OTOG: variants seen among roughly 807,000 people sequenced by gnomAD.
OTOG encodes the protein otogelin.
Under a neutral mutation model 313.8 loss-of-function variants are expected in OTOG, and 296 were observed. The ratio of observed to expected loss-of-function variants is 0.94; its 90% CI spans 0.86 to 1.04. The LOEUF is 1.04. OTOG is among the 50% of genes least tolerant of loss of function. OTOG has a pLI of 0.00. For missense variants in OTOG, 3,948 were observed against 3,840.1 expected, an observed-to-expected ratio of 1.03 and a Z score of -0.74; for synonymous variants, 1,533 against 1,554.9, an observed-to-expected ratio of 0.99 and a Z score of 0.33.
chr11:17,629,664 C>G (rs1386845624), intron 40 of OTOG, among the ~76,000 whole-genome samples: 1 of 152,166 alleles, frequency 6.6e-6, no homozygotes, highest in African/African-American at 2.4e-5. Context: ...GTCATCCACA[C>G]AACAGCACTG....
rs201528443 is a variant in OTOG, at chr11:17,613,170, T to TTTTC, written c.6439-418_6439-415dup. Among the ~76,000 whole-genome samples, 322 of 125,576 alleles carry TTTTC rather than the reference T, an allele frequency of 2.6e-3. 7 individuals carry two copies. Among genetic ancestry groups the TTTTC allele is most frequent in the East Asian group, 9.6e-3 (44 of 4,582 alleles). The allele number at this position is 125,576 out of a possible 152,430, so 82.4% of individuals were successfully genotyped here. On this transcript the variant is annotated intron_variant, in intron 38 of 55. Transcript: ENST00000399397. ...TAGCTTCTTTCTCTTCTCTTCTCCC[T>TTTTC]TTTCTTTCTTTCTTTCTTTCTTTCT...
chr11:17,548,243 G>A (rs865835812), intron 3 of OTOG, 31 bp downstream of exon 3: 3 of 1,520,056 alleles, frequency 2.0e-6, no homozygotes, highest in Middle Eastern at 1.7e-4. Context: ...GGGCTTCATT[G>A]AGCAGGAGCT....
chr11:17,566,864 G>A (rs1292993019), intron 15 of OTOG, among the ~76,000 whole-genome samples: 1 of 152,152 alleles, frequency 6.6e-6, no homozygotes, highest in African/African-American at 2.4e-5. Context: ...CATTTGTAAT[G>A]CAGTTAGATT....
intron 15 of OTOG, among the ~76,000 whole-genome samples, chr11:17,568,521 A>G (rs1382543782): frequency 6.6e-6 from 1 of 152,222 alleles, no homozygotes; most frequent in East Asian, 1.9e-4. Flanking sequence ...GTCCCACACA[A>G]GTATGTAATT....
At chr11:17,579,039 C>T (rs903499689) in intron 23 of OTOG, among the ~76,000 whole-genome samples, 7 of 152,218 alleles carry the variant, frequency 4.6e-5, no homozygotes, top group Admixed American at 2.0e-4. Context: ...CCATTAAAGC[C>T]GTGAGAGCTG....
chr11:17,595,606 G>C (rs1853076830), intron 28 of OTOG, among the ~76,000 whole-genome samples: 1 of 152,188 alleles, frequency 6.6e-6, no homozygotes, highest in Non-Finnish European at 1.5e-5. Context: ...CTGCTCACAT[G>C]GTTGTTGATT....
chr11:17,572,331 GGAGCAGCAGGGAGGGGAAAGGA>G, intron 18 of OTOG, 127 bp downstream of exon 18: 1 of 1,306,400 alleles, frequency 7.7e-7, no homozygotes, highest in Non-Finnish European at 1.0e-6. Flanking sequence ...AAGAGAAGGA[GGAGCAGCAGGGAGGGGAAAGGA>G]GAGACAGTGA....
intron 39 of OTOG, among the ~76,000 whole-genome samples, chr11:17,615,175 A>G (rs1853690042): frequency 6.6e-6 from 1 of 152,236 alleles, no homozygotes. Context: ...TTGGCAAAGT[A>G]TCTGTTCAAG....
At position 17,561,100 on chromosome 11, in the gene OTOG, C is replaced by T. The variant is rs1351404947; in HGVS notation, c.1461C>T (p.Thr487=). 52 of 1,550,598 alleles carry T rather than the reference C, an allele frequency of 3.4e-5. No individual in the cohort carries two copies. The East Asian group carries it at 1.3e-3, about 38-fold the overall frequency. Residue 487 remains threonine, a synonymous_variant, in exon 14 of 56, where the codon ACC becomes ACT. Transcript: ENST00000399397. The part of the protein sequence containing the change: ...VKEDCNTCTC[T]SGKWECSTAV... Reference sequence around the variant, plus strand: ...GGTCTCTGTGTTTTAGCACATGCACCTCAGGCAAGTGGGAGTGCAGCACAG... The same window carrying T: ...GGTCTCTGTGTTTTAGCACATGCACTTCAGGCAAGTGGGAGTGCAGCACAG...
intron 54 of OTOG, 31 bp downstream of exon 54, chr11:17,643,537 G>T: frequency 7.2e-7 from 1 of 1,396,188 alleles, no homozygotes; most frequent in Non-Finnish European, 9.4e-7. Flanking sequence ...CCCAGGGGTG[G>T]GGGGCTCTGA....
intron 25 of OTOG, 132 bp downstream of exon 25, chr11:17,591,720 C>G (rs1035797264): frequency 1.8e-4 from 212 of 1,204,224 alleles, no homozygotes; most frequent in Non-Finnish European, 2.3e-4. Context: ...TATCTAGAGA[C>G]TGGAAGAAGT....
At chr11:17,597,453 A>G (rs1853140269) in intron 30 of OTOG, among the ~76,000 whole-genome samples, 1 of 152,216 alleles carries the variant, frequency 6.6e-6, no homozygotes, top group Admixed American at 6.5e-5. Context: ...TCTGAGGACC[A>G]AACTGGGTGA....
At position 17,612,252 on chromosome 11, in the gene OTOG, G is replaced by C; in HGVS notation, c.6214G>C (p.Ala2072Pro). ...GTCCCAGCACTGTCCCCAGGGTGCT[G>C]CTCCCCCTCGCTGTGGGATCCTGGG... is the stretch of plus-strand genomic sequence containing the variant. ...NQSQHCPQGAAPPRCGILGLA... is the reference protein window; with the variant it reads ...NQSQHCPQGAPPPRCGILGLA... The change falls in exon 37 of 56, where the codon GCT becomes CCT. Residue 2072 changes from alanine (A) to proline (P), a missense_variant. Coordinates refer to ENST00000399397, the MANE Select transcript of OTOG (RefSeq NM_001292063.2). 1 of 1,546,982 alleles carries C rather than the reference G, an allele frequency of 6.5e-7. No homozygotes were observed. Among genetic ancestry groups the C allele is most frequent in the South Asian group, 1.2e-5 (1 of 84,056 alleles).
chr11:17,642,152 G>A lies in OTOG; in HGVS notation c.8321G>A (p.Cys2774Tyr). The change falls in exon 53 of 56, where the codon TGC (cysteine) becomes TAC (tyrosine). Residue 2774 changes from cysteine to tyrosine, a missense_variant. Physicochemically the swap from Cys to Tyr is radical, Grantham distance 194. Transcript: ENST00000399397. The stretch of plus-strand genomic sequence containing the variant: ...CCCGGGGCATCCTGGATCGCAGACT[G>A]CGCCCGCCACCACTGCAGCAGCACG... Reference protein sequence around the residue: ...FLPGASWIADCARHHCSSTPL... With the variant: ...FLPGASWIADYARHHCSSTPL... 6.5e-7 allele frequency: 1 copy of A among 1,548,802 alleles called. No homozygotes were observed. The highest frequency in any genetic ancestry group is 8.7e-7 in the Non-Finnish European group (1 of 1,145,988).
chr11:17,561,182 T>C (rs906959599), intron 14 of OTOG, 45 bp downstream of exon 14: 9 of 1,548,216 alleles, frequency 5.8e-6, no homozygotes. Flanking sequence ...TCTACCAGTC[T>C]GATAGGTTTT....
In OTOG at chr11:17,594,059, G is replaced by A. The variant is rs917942417; in HGVS notation, c.3301G>A (p.Gly1101Ser). 1.9e-6 allele frequency: 3 copies of A among 1,550,424 alleles called. No individual in the cohort carries two copies. The highest frequency in any genetic ancestry group is 2.6e-6 in the Non-Finnish European group (3 of 1,147,002). Residue 1101 changes from glycine to serine, a missense_variant, in exon 28 of 56, where the codon GGC becomes AGC. By Grantham distance (56) the Gly-to-Ser change is moderately conservative. Transcript: ENST00000399397. ...TCTCTCCTTTCAGGGCCAGCTGGCG[G>A]GCCTCTGTGGGAACTTTGACTTAAA... is the stretch of plus-strand genomic sequence containing the variant. ...AGPQWQGQLA[G>S]LCGNFDLKTI...
chr11:17,550,568 G>T (rs1481059040), intron 3 of OTOG, among the ~76,000 whole-genome samples: 1 of 152,176 alleles, frequency 6.6e-6, no homozygotes, highest in Admixed American at 6.5e-5. Flanking sequence ...TGCATCACAG[G>T]TTGTCTCATC....
At chr11:17,558,738 C>A (rs1244410101) in intron 10 of OTOG, 94 bp downstream of exon 10, 4 of 1,245,186 alleles carry the variant, frequency 3.2e-6, no homozygotes, top group South Asian at 1.3e-5. Flanking sequence ...CCAGGCACTG[C>A]CAGATCTGCT....
intron 49 of OTOG, 72 bp from the exon 50 acceptor site, chr11:17,640,673 C>A: frequency 6.8e-7 from 1 of 1,466,374 alleles, no homozygotes; most frequent in Non-Finnish European, 9.2e-7. Flanking sequence ...GAGAGGGGCC[C>A]AGGTGGCAGA....
Sources: gnomAD v4.1 joint callset for allele counts (sites outside exome capture counted in the v4.1 genomes callset) on GRCh38, gnomAD v4.1.1 for gene constraint, MANE v1.5 for transcripts, NCBI Gene and HGNC (gene_info 2026-07-23, HGNC 2026-07-21) for gene names.